The following CAMK2D variants were observed in gnomAD, a reference collection of about 807,000 sequenced individuals.
The protein encoded by CAMK2D is calcium/calmodulin-dependent protein kinase type II subunit delta.
Under a neutral mutation model 84.0 loss-of-function variants are expected in CAMK2D, and 37 were observed. That is an observed-to-expected ratio of 0.44 (90% CI 0.34 to 0.58). CAMK2D has a LOEUF of 0.58. CAMK2D is among the 20% of genes least tolerant of loss of function. The pLI, the probability that CAMK2D is intolerant of heterozygous loss-of-function variation, is 0.02. For missense variants in CAMK2D, 448 were observed against 652.5 expected (o/e 0.69, Z 3.41); for synonymous variants, 202 against 212.5 (o/e 0.95, Z 0.43).
chr4:113,608,699 C>T (rs1188667473), intron 4 of CAMK2D, among the ~76,000 whole-genome samples: 1 of 152,130 alleles, frequency 6.6e-6, no homozygotes, highest in Non-Finnish European at 1.5e-5. Flanking sequence ...TCATTATTTT[C>T]CCTTCATTCT....
In CAMK2D at chr4:113,629,785, T is replaced by TAAA. The variant is rs75795050; in HGVS notation, c.221-20582_221-20580dup. ...CTTGTCAATTGGATTATGTTCTTGG[T>TAAA]AAAAAAAAAAAAAAAATAGAAAGGG... On this transcript the variant is annotated intron_variant, in intron 3 of 20. Coordinates refer to ENST00000511664, the MANE Select transcript of CAMK2D (RefSeq NM_001321571.2). 3.3e-3 allele frequency among the ~76,000 whole-genome samples: 438 copies of TAAA among 132,668 alleles called. 2 individuals carry two copies. Among genetic ancestry groups the TAAA allele is most frequent in the African/African-American group, 0.01 (376 of 36,350 alleles). 87.0% of individuals were successfully genotyped at this position (132,668 alleles called of 152,430 possible).
chr4:113,597,115 G>A (rs2098930858), intron 4 of CAMK2D, among the ~76,000 whole-genome samples: 1 of 152,108 alleles, frequency 6.6e-6, no homozygotes, highest in African/African-American at 2.4e-5. Flanking sequence ...ACCGCGCCTG[G>A]CCGGGTCCTA....
intron 4 of CAMK2D, among the ~76,000 whole-genome samples, chr4:113,584,309 A>G (rs1293554628): frequency 6.6e-6 from 1 of 152,172 alleles, no homozygotes; most frequent in Non-Finnish European, 1.5e-5. Flanking sequence ...TAAAAAAGGG[A>G]TAATTAAGTG....
At chr4:113,745,971 G>C (rs990584109) in intron 2 of CAMK2D, among the ~76,000 whole-genome samples, 1 of 152,154 alleles carries the variant, frequency 6.6e-6, no homozygotes, top group African/African-American at 2.4e-5. Flanking sequence ...GTCTCTAAAT[G>C]TTCCTTACCC....
intron 3 of CAMK2D, among the ~76,000 whole-genome samples, chr4:113,618,985 T>C (rs1389035517): frequency 6.6e-6 from 1 of 152,186 alleles, no homozygotes; most frequent in African/African-American, 2.4e-5. Context: ...GAAGTTATAA[T>C]GAATGTCAGA....
intron 12 of CAMK2D, 106 bp from the exon 13 acceptor site, chr4:113,509,781 C>G (rs1331303820): frequency 2.6e-6 from 2 of 778,684 alleles, no homozygotes; most frequent in South Asian, 3.0e-5. Context: ...TTGCTGAGTT[C>G]TGGCCAACAT....
chr4:113,553,404 T>C (rs1437376081), intron 4 of CAMK2D, among the ~76,000 whole-genome samples: 2 of 152,330 alleles, frequency 1.3e-5, no homozygotes, highest in Middle Eastern at 3.4e-3. Flanking sequence ...ATGAATACTA[T>C]AGAGTGAGAT....
chr4:113,533,671 T>G (rs2098472172), intron 7 of CAMK2D, among the ~76,000 whole-genome samples: 1 of 151,978 alleles, frequency 6.6e-6, no homozygotes, highest in Admixed American at 6.6e-5. Context: ...CTTTTTTTTT[T>G]CTAGCAGCAA....
chr4:113,475,017 G>C (rs1312918698), intron 16 of CAMK2D, among the ~76,000 whole-genome samples: 1 of 152,326 alleles, frequency 6.6e-6, no homozygotes, highest in Non-Finnish European at 1.5e-5. Flanking sequence ...TAAAAAGTGA[G>C]AATGGTTAAA....
intron 8 of CAMK2D, among the ~76,000 whole-genome samples, chr4:113,530,479 C>G (rs1383291958): frequency 1.3e-5 from 2 of 152,038 alleles, no homozygotes; most frequent in Non-Finnish European, 2.9e-5. Context: ...TAGGGATGTT[C>G]AACTTGTATT....
At chr4:113,581,708 CCTT>C (rs1210474062) in intron 4 of CAMK2D, among the ~76,000 whole-genome samples, 1 of 152,026 alleles carries the variant, frequency 6.6e-6, no homozygotes, top group African/African-American at 2.4e-5. Context: ...GCCTTCTACT[CCTT>C]CTACTTTAGG....
intron 4 of CAMK2D, among the ~76,000 whole-genome samples, chr4:113,574,186 C>A (rs1490346814): frequency 6.6e-6 from 1 of 152,162 alleles, no homozygotes; most frequent in Non-Finnish European, 1.5e-5. Flanking sequence ...TGGACCTGAT[C>A]CCCTCTTCTT....
intron 2 of CAMK2D, among the ~76,000 whole-genome samples, chr4:113,713,305 T>C (rs1214414287): frequency 6.6e-6 from 1 of 151,720 alleles, no homozygotes; most frequent in African/African-American, 2.4e-5. Context: ...TATTATCAAA[T>C]GGTTTTCAAA....
intron 3 of CAMK2D, among the ~76,000 whole-genome samples, chr4:113,638,950 A>G (rs1176295739): frequency 6.6e-6 from 1 of 152,104 alleles, no homozygotes; most frequent in African/African-American, 2.4e-5. Flanking sequence ...AATAATAAAT[A>G]TAAAAATGTA....
chr4:113,550,099 TCAC>T (rs1037593384), intron 5 of CAMK2D, among the ~76,000 whole-genome samples: 2 of 152,206 alleles, frequency 1.3e-5, no homozygotes, highest in Non-Finnish European at 2.9e-5. Context: ...TAAATGGACT[TCAC>T]CATTTTTTTT....
intron 16 of CAMK2D, among the ~76,000 whole-genome samples, chr4:113,486,346 A>G (rs1408738822): frequency 1.3e-5 from 2 of 152,116 alleles, no homozygotes; most frequent in African/African-American, 2.4e-5. Flanking sequence ...GCTGGTCTCA[A>G]ACTCCTGGCC....
Position 113,609,188 on chromosome 4 carries a change from A to G in CAMK2D, c.239T>C (p.Ile80Thr). The G allele has an allele frequency of 1.9e-6, 3 of 1,582,148 alleles. No individual in the cohort carries two copies. The highest frequency in any genetic ancestry group is 2.6e-6 in the Non-Finnish European group (3 of 1,151,084). The change falls in exon 4 of 21, where the codon ATA (isoleucine) becomes ACA (threonine). Residue 80 changes from isoleucine to threonine, a missense_variant. Physicochemically the swap from Ile to Thr is moderately conservative, Grantham distance 89. Transcript: ENST00000511664. ...HPNIVRLHDS[I>T]SEEGFHYLVF... is the part of the protein sequence containing the mutation. Reference sequence around the variant, plus strand: ...CAAGTAGTGAAAGCCCTCTTCTGATATGCTATCATGAAGTCGCACTAGAAA... The same window carrying G: ...CAAGTAGTGAAAGCCCTCTTCTGATGTGCTATCATGAAGTCGCACTAGAAA...
chr4:113,729,627 A>G (rs1386631762), intron 2 of CAMK2D, among the ~76,000 whole-genome samples: 1 of 152,180 alleles, frequency 6.6e-6, no homozygotes, highest in East Asian at 1.9e-4. Context: ...TTTCTATTAC[A>G]TCACCATGAT....
At chr4:113,713,316 G>A (rs2099500041) in intron 2 of CAMK2D, among the ~76,000 whole-genome samples, 1 of 151,420 alleles carries the variant, frequency 6.6e-6, no homozygotes, top group South Asian at 2.1e-4. Flanking sequence ...GGTTTTCAAA[G>A]TGACTTTGCA....
Sources: allele counts gnomAD v4.1 joint callset (sites outside exome capture counted in the v4.1 genomes callset), GRCh38; gene constraint gnomAD v4.1.1; transcripts MANE v1.5; gene names NCBI Gene and HGNC (gene_info 2026-07-23, HGNC 2026-07-21).